Variants in GRM5 observed in about 807,000 individuals in gnomAD.
The protein encoded by GRM5 is glutamate metabotropic receptor 5.
GRM5 carries 19 observed loss-of-function variants against 83.1 expected under a neutral mutation model. The ratio of observed to expected loss-of-function variants is 0.23; its 90% CI spans 0.16 to 0.34. GRM5 has a LOEUF of 0.34. Ranked by LOEUF, GRM5 falls within the 10% of genes least tolerant of loss-of-function variation. The probability of loss-of-function intolerance (pLI) is 1.00; values close to 1 mark genes in which losing one functional copy is unlikely to be tolerated. For synonymous variants in GRM5, 675 were observed against 633.6 expected (o/e 1.07, Z -0.98); for missense variants, 1,160 against 1,588.3 (o/e 0.73, Z 4.58).
At chr11:88,535,540 T>G (rs1364893476) in intron 8 of GRM5, among the ~76,000 whole-genome samples, 1 of 152,210 alleles carries the variant, frequency 6.6e-6, no homozygotes, top group African/African-American at 2.4e-5. Flanking sequence ...TTTGAGCTAC[T>G]GAATTAGCCT....
At position 88,844,950 on chromosome 11, in the gene GRM5, G is replaced by A. The variant is rs186306974; in HGVS notation, c.911+4956C>T. Among the ~76,000 whole-genome samples the A allele has an allele frequency of 1.7e-3, 262 of 152,238 alleles. 6 individuals carry two copies. The South Asian group carries it at 0.04, about 24-fold the overall frequency. ...AGCAAAGAAAGTGGTTTCTTGAGGC[G>A]GAATATACTCTGGTGAAGTTGCTAT... On this transcript the variant is annotated intron_variant, in intron 3 of 9. Coordinates refer to ENST00000305447, the MANE Select transcript of GRM5 (RefSeq NM_001143831.3).
At position 89,009,929 on chromosome 11, in the gene GRM5, A is replaced by AAAAAAAAAAAC; in HGVS notation, c.661+37282_661+37283insGTTTTTTTTTT. Reference sequence around the variant, plus strand: ...AAAAAAAAAAAAAAAAAAAAAAAAAAACACACACAAAATCAAAATGTTTAC... The same window carrying AAAAAAAAAAAC: ...AAAAAAAAAAAAAAAAAAAAAAAAAAAAAAAAAAAACACACACACAAAATCAAAATGTTTAC... On this transcript the variant is annotated intron_variant, in intron 2 of 9. Coordinates refer to ENST00000305447, the MANE Select transcript of GRM5 (RefSeq NM_001143831.3). Among the ~76,000 whole-genome samples the AAAAAAAAAAAC allele has an allele frequency of 3.1e-3, 314 of 102,328 alleles. 52 individuals are homozygous for AAAAAAAAAAAC. Among genetic ancestry groups the AAAAAAAAAAAC allele is most frequent in the East Asian group, 5.5e-3 (17 of 3,070 alleles). The allele number at this position is 102,328 out of a possible 152,430, so 67.1% of individuals were successfully genotyped here.
intron 2 of GRM5, among the ~76,000 whole-genome samples, chr11:89,020,063 G>C (rs1462133331): frequency 6.6e-6 from 1 of 152,162 alleles, no homozygotes. Flanking sequence ...AGGTCAGGGA[G>C]GTAAGCCAAA....
At position 88,796,786 on chromosome 11, in the gene GRM5, C is replaced by A. The variant is rs368245660; in HGVS notation, c.911+53120G>T. Among the ~76,000 whole-genome samples, 44 of 151,932 alleles carry A rather than the reference C, an allele frequency of 2.9e-4. 2 individuals carry two copies. The highest frequency in any genetic ancestry group is 9.2e-4 in the African/African-American group (38 of 41,382). On this transcript the variant is annotated intron_variant, in intron 3 of 9. Transcript: ENST00000305447. ...TACATAATTCTTTGTCACAAGTTGA[C>A]TTCTGTGAAGATCATGAAGCAATAT...
At chr11:88,844,149 C>T (rs929208220) in intron 3 of GRM5, among the ~76,000 whole-genome samples, 1 of 152,230 alleles carries the variant, frequency 6.6e-6, no homozygotes, top group African/African-American at 2.4e-5. Flanking sequence ...TGTCAAAGGA[C>T]AGACTAACTC....
intron 2 of GRM5, among the ~76,000 whole-genome samples, chr11:88,894,013 A>G (rs1183808757): frequency 6.6e-6 from 1 of 152,004 alleles, no homozygotes; most frequent in Non-Finnish European, 1.5e-5. Flanking sequence ...GCAGACATAG[A>G]CAAGCAAGCT....
intron 2 of GRM5, among the ~76,000 whole-genome samples, chr11:89,027,543 C>T (rs1941155358): frequency 6.6e-6 from 1 of 152,206 alleles, no homozygotes; most frequent in Non-Finnish European, 1.5e-5. Context: ...GATTTTCACA[C>T]TTCTACATTA....
intron 3 of GRM5, among the ~76,000 whole-genome samples, chr11:88,681,535 T>C (rs551063698): frequency 1.4e-5 from 2 of 148,034 alleles, no homozygotes; most frequent in Non-Finnish European, 3.0e-5. Context: ...TTTCCCCTAC[T>C]GTTTATAAAC....
intron 3 of GRM5, among the ~76,000 whole-genome samples, chr11:88,787,449 T>C (rs1943095715): frequency 6.6e-6 from 1 of 152,044 alleles, no homozygotes; most frequent in African/African-American, 2.4e-5. Flanking sequence ...TGATAAGGCA[T>C]TTGGATTTAT....
intron 2 of GRM5, among the ~76,000 whole-genome samples, chr11:89,022,254 T>G (rs1941002371): frequency 6.6e-6 from 1 of 152,106 alleles, no homozygotes; most frequent in South Asian, 2.1e-4. Flanking sequence ...TTCAACTATT[T>G]TGATATTATA....
At chr11:88,952,796 C>T (rs1320077635) in intron 2 of GRM5, among the ~76,000 whole-genome samples, 9 of 151,996 alleles carry the variant, frequency 5.9e-5, no homozygotes, top group Admixed American at 3.3e-4. Context: ...CAATCATTTC[C>T]ATTTCTTAAA....
intron 3 of GRM5, among the ~76,000 whole-genome samples, chr11:88,805,253 G>C (rs542853644): frequency 2.6e-5 from 4 of 152,044 alleles, no homozygotes; most frequent in Admixed American, 6.6e-5. Flanking sequence ...GTGCAGTGGC[G>C]TAATCTCGGC....
intron 2 of GRM5, among the ~76,000 whole-genome samples, chr11:89,027,637 C>T (rs782111918): frequency 6.6e-6 from 1 of 152,078 alleles, no homozygotes; most frequent in African/African-American, 2.4e-5. Context: ...AAAATAAGAC[C>T]GTGACATCTA....
At chr11:88,944,458 G>A (rs1938209202) in intron 2 of GRM5, among the ~76,000 whole-genome samples, 1 of 151,752 alleles carries the variant, frequency 6.6e-6, no homozygotes, top group Admixed American at 6.6e-5. Context: ...GATTACTATA[G>A]CCAAGCTAAT....
chr11:88,996,937 T>C (rs1247896626), intron 2 of GRM5, among the ~76,000 whole-genome samples: 1 of 152,210 alleles, frequency 6.6e-6, no homozygotes, highest in Admixed American at 6.5e-5. Flanking sequence ...CTTTTTTAAA[T>C]CATTGAACTA....
intron 3 of GRM5, among the ~76,000 whole-genome samples, chr11:88,664,410 G>A (rs560360518): frequency 6.6e-6 from 1 of 151,974 alleles, no homozygotes; most frequent in Admixed American, 6.6e-5. Context: ...CTAAACAATA[G>A]AGTATGGCAA....
At chr11:88,622,972 G>A (rs1353146473) in intron 4 of GRM5, among the ~76,000 whole-genome samples, 1 of 152,136 alleles carries the variant, frequency 6.6e-6, no homozygotes, top group Non-Finnish European at 1.5e-5. Context: ...AAATTTGATG[G>A]GAGCATAAAA....
intron 4 of GRM5, among the ~76,000 whole-genome samples, chr11:88,646,408 A>G (rs1169683066): frequency 4.6e-5 from 7 of 152,180 alleles, no homozygotes; most frequent in Admixed American, 2.6e-4. Context: ...TTAATAGTAT[A>G]TATTTCTGGA....
intron 8 of GRM5, among the ~76,000 whole-genome samples, chr11:88,547,410 G>A (rs1942409105): frequency 6.6e-6 from 1 of 152,062 alleles, no homozygotes; most frequent in Non-Finnish European, 1.5e-5. Flanking sequence ...CAGAACTCAA[G>A]GACCACAGAT....
Sources: allele counts gnomAD v4.1 joint callset (sites outside exome capture counted in the v4.1 genomes callset), GRCh38; gene constraint gnomAD v4.1.1; transcripts MANE v1.5; gene names NCBI Gene and HGNC (gene_info 2026-07-23, HGNC 2026-07-21).